Variants in DSCAM observed in about 807,000 individuals in gnomAD.
DSCAM encodes the protein DS cell adhesion molecule.
Under a neutral mutation model 217.7 loss-of-function variants are expected in DSCAM, and 47 were observed. That is an observed-to-expected ratio of 0.22 (90% CI 0.17 to 0.28). DSCAM has a LOEUF of 0.28. Among genes scored for constraint, DSCAM ranks in the 10% least tolerant of loss-of-function variants. DSCAM has a pLI of 1.00. For synonymous variants in DSCAM, 1,056 were observed against 1,015.3 expected, an observed-to-expected ratio of 1.04 and a Z score of -0.76; for missense variants, 2,080 against 2,618.3, an observed-to-expected ratio of 0.79 and a Z score of 4.49.
chr21:40,223,550 T>A (rs980909311), intron 11 of DSCAM, among the ~76,000 whole-genome samples: 32 of 152,352 alleles, frequency 2.1e-4, no homozygotes, highest in African/African-American at 7.7e-4. Flanking sequence ...AGTTACCTTT[T>A]TTTTCTACAG....
intron 11 of DSCAM, among the ~76,000 whole-genome samples, chr21:40,235,571 C>T (rs985792722): frequency 1.4e-4 from 21 of 152,090 alleles, no homozygotes; most frequent in African/African-American, 4.3e-4. Flanking sequence ...AAGGACCATT[C>T]GGAAGAAAGA....
chr21:40,248,340 C>T (rs1199526965), intron 11 of DSCAM, among the ~76,000 whole-genome samples: 1 of 152,174 alleles, frequency 6.6e-6, no homozygotes, highest in Non-Finnish European at 1.5e-5. Context: ...TTATGCTCTG[C>T]TTCCCTTATA....
chr21:40,747,641 A>G (rs1297661997), intron 1 of DSCAM, among the ~76,000 whole-genome samples: 1 of 151,920 alleles, frequency 6.6e-6, no homozygotes, highest in Non-Finnish European at 1.5e-5. Flanking sequence ...GAAGATTTAC[A>G]ACTAATCTTT....
At chr21:40,026,160 G>A (rs1180107849) in intron 32 of DSCAM, among the ~76,000 whole-genome samples, 3 of 141,810 alleles carry the variant, frequency 2.1e-5, no homozygotes, top group Non-Finnish European at 3.2e-5. Context: ...AGGTTGTTCA[G>A]TTTCCATGTA....
intron 1 of DSCAM, among the ~76,000 whole-genome samples, chr21:40,818,406 T>C (rs370187931): frequency 9.5e-4 from 141 of 148,518 alleles, no homozygotes; most frequent in African/African-American, 3.3e-3. Context: ...ATTAGCTGGG[T>C]GTGGTGGCGG....
At chr21:40,698,869 TAAAAAAAAA>T (rs56775350) in intron 2 of DSCAM, among the ~76,000 whole-genome samples, 2 of 107,970 alleles carry the variant, frequency 1.9e-5, no homozygotes, top group Non-Finnish European at 3.7e-5. Flanking sequence ...GAATCCGTCT[TAAAAAAAAA>T]AAAAAAAAAA....
At chr21:40,546,505 A>C (rs1319806446) in intron 3 of DSCAM, among the ~76,000 whole-genome samples, 1 of 152,136 alleles carries the variant, frequency 6.6e-6, no homozygotes. Context: ...CTCAGTTTCC[A>C]TGTGAGGAGT....
intron 3 of DSCAM, among the ~76,000 whole-genome samples, chr21:40,592,967 A>T (rs1033065090): frequency 2.0e-5 from 3 of 152,236 alleles, no homozygotes; most frequent in Non-Finnish European, 2.9e-5. Flanking sequence ...ACGAGGTTTT[A>T]AAAGATGCAA....
chr21:40,088,879 G>A (rs62235656), intron 21 of DSCAM, among the ~76,000 whole-genome samples: 32,101 of 152,160 alleles, frequency 0.21, 3,488 homozygotes, highest in East Asian at 0.25. Flanking sequence ...AACTCCAGAA[G>A]CTACACATGC....
intron 3 of DSCAM, among the ~76,000 whole-genome samples, chr21:40,402,883 T>G (rs1338563079): frequency 6.6e-6 from 1 of 152,174 alleles, no homozygotes; most frequent in Admixed American, 6.5e-5. Flanking sequence ...TAGCTATCAA[T>G]AAATTATTTC....
At chr21:40,701,876 T>A (rs988929219) in intron 2 of DSCAM, among the ~76,000 whole-genome samples, 3 of 152,172 alleles carry the variant, frequency 2.0e-5, no homozygotes, top group African/African-American at 7.2e-5. Flanking sequence ...TGTCTGTGTG[T>A]CTCAGAAGAG....
At chr21:40,200,044 C>T (rs993851811) in intron 11 of DSCAM, among the ~76,000 whole-genome samples, 1 of 136,378 alleles carries the variant, frequency 7.3e-6, no homozygotes, top group African/African-American at 3.0e-5. Flanking sequence ...GTAAAATACA[C>T]ATAACAAAAA....
intron 10 of DSCAM, among the ~76,000 whole-genome samples, chr21:40,293,174 G>A (rs2073914765): frequency 6.6e-6 from 1 of 152,136 alleles, no homozygotes; most frequent in South Asian, 2.1e-4. Flanking sequence ...GTCCATGATG[G>A]CTTACGGACC....
At chr21:40,357,163 AG>A (rs1457305304) in intron 4 of DSCAM, among the ~76,000 whole-genome samples, 2 of 152,234 alleles carry the variant, frequency 1.3e-5, no homozygotes, top group Non-Finnish European at 2.9e-5. Flanking sequence ...GAGATATAAA[AG>A]TTTCACAATA....
chr21:40,340,498 C>A (rs1191435283), intron 6 of DSCAM, among the ~76,000 whole-genome samples: 1 of 152,180 alleles, frequency 6.6e-6, no homozygotes, highest in Non-Finnish European at 1.5e-5. Context: ...CAGCCAGCCT[C>A]AGGCATACAA....
chr21:40,793,293 A>C (rs2091663191), intron 1 of DSCAM, among the ~76,000 whole-genome samples: 2 of 152,152 alleles, frequency 1.3e-5, no homozygotes. Flanking sequence ...CTGGACATAC[A>C]AAAGATCATG....
At chr21:40,568,070 C>T (rs1568910760) in intron 3 of DSCAM, among the ~76,000 whole-genome samples, 1 of 151,982 alleles carries the variant, frequency 6.6e-6, no homozygotes, top group African/African-American at 2.4e-5. Flanking sequence ...GTTTTCCTGT[C>T]TCTTCTTCTT....
At position 40,167,336 on chromosome 21, in the gene DSCAM, C is replaced by G. The variant is rs73362176; in HGVS notation, c.2948-48G>C. ...GGCAGGTTAGAGACGCTTTCCGGAG[C>G]AGATCGAAGCCTACACAGCCAAAGG... is the stretch of plus-strand genomic sequence containing the variant. On this transcript the variant is annotated intron_variant, in intron 15 of 32. Coordinates refer to ENST00000400454, the MANE Select transcript of DSCAM (RefSeq NM_001389.5). The G allele has an allele frequency of 0.012, 18,240 of 1,568,168 alleles. 1,343 individuals are homozygous for G. In the African/African-American group the frequency reaches 0.19, roughly 16 times the overall value.
chr21:40,541,905 C>T (rs2076545652), intron 3 of DSCAM, among the ~76,000 whole-genome samples: 1 of 152,096 alleles, frequency 6.6e-6, no homozygotes, highest in Non-Finnish European at 1.5e-5. Flanking sequence ...TGTGGCAACG[C>T]CTCTAAAACA....
Sources: gnomAD v4.1 joint callset for allele counts (sites outside exome capture counted in the v4.1 genomes callset) on GRCh38, gnomAD v4.1.1 for gene constraint, MANE v1.5 for transcripts, NCBI Gene and HGNC (gene_info 2026-07-23, HGNC 2026-07-21) for gene names.